ECT2L: variants seen among roughly 807,000 people sequenced by gnomAD.
The protein encoded by ECT2L is epithelial cell transforming 2 like.
ECT2L carries 126 observed loss-of-function variants against 122.8 expected under a neutral mutation model. That is an observed-to-expected ratio of 1.03 (90% CI 0.89 to 1.19). The LOEUF (loss-of-function observed/expected upper bound fraction) is 1.19. Among genes scored for constraint, ECT2L ranks in the 50% most tolerant of loss-of-function variants. ECT2L has a pLI of 0.00. For missense variants in ECT2L, 1,012 were observed against 1,064.1 expected (o/e 0.95, Z 0.68); for synonymous variants, 385 against 381.8 (o/e 1.01, Z -0.10).
At chr6:138,878,456 T>C (rs1778538451) in intron 14 of ECT2L, among the ~76,000 whole-genome samples, 1 of 152,164 alleles carries the variant, frequency 6.6e-6, no homozygotes, top group Non-Finnish European at 1.5e-5. Context: ...GTTTTTGTTT[T>C]TGTTTTTTGA....
chr6:138,841,291 C>T (rs1402896947), intron 5 of ECT2L, among the ~76,000 whole-genome samples: 2 of 152,168 alleles, frequency 1.3e-5, no homozygotes, highest in Admixed American at 6.6e-5. Context: ...AGTTAATTTT[C>T]ATTGAGTACC....
intron 4 of ECT2L, among the ~76,000 whole-genome samples, chr6:138,835,121 C>G (rs937223165): frequency 4.0e-5 from 6 of 149,592 alleles, no homozygotes; most frequent in African/African-American, 1.5e-4. Context: ...CTGAAGCAAA[C>G]TTAAAAAAAA....
At chr6:138,845,702 T>G (rs900110099) in intron 7 of ECT2L, among the ~76,000 whole-genome samples, 3 of 152,220 alleles carry the variant, frequency 2.0e-5, no homozygotes, top group African/African-American at 7.2e-5. Context: ...CACCCACTGA[T>G]GCTACATATG....
At chr6:138,807,162 C>T (rs1775740671) in intron 1 of ECT2L, among the ~76,000 whole-genome samples, 1 of 150,622 alleles carries the variant, frequency 6.6e-6, no homozygotes, top group African/African-American at 2.4e-5. Flanking sequence ...TTTGTGGAGA[C>T]AGGGTTTTGC....
Position 138,903,206 on chromosome 6 carries a change from A to G in ECT2L, c.*579A>G, listed in dbSNP as rs1779464140. The G allele has an allele frequency of 6.6e-6, 1 of 152,450 alleles. No individual in the cohort carries two copies. Among genetic ancestry groups the G allele is most frequent in the African/African-American group, 2.4e-5 (1 of 41,368 alleles). 9.4% of individuals were successfully genotyped at this position (152,450 alleles called of 1,614,324 possible). A position where few individuals can be genotyped will look rare whatever the true frequency, so the allele number is the denominator to read the frequency against. On this transcript the variant is annotated 3_prime_UTR_variant, in exon 22 of 22. Transcript: ENST00000541398. ...AACCCCGTCTCTACTAAAAATACAA[A>G]ATTAGCCAGGCATGGTGGCACACGC...
chr6:138,856,617 C>A (rs1039502612), intron 10 of ECT2L, among the ~76,000 whole-genome samples: 28 of 152,108 alleles, frequency 1.8e-4, no homozygotes, highest in African/African-American at 6.8e-4. Context: ...ATTTAATGGC[C>A]CAATTTTCTC....
chr6:138,857,711 TC>T (rs774946037), intron 10 of ECT2L, among the ~76,000 whole-genome samples: 29 of 152,314 alleles, frequency 1.9e-4, no homozygotes, highest in Non-Finnish European at 1.0e-4. Context: ...TGCAGGCTCT[TC>T]TTTCTCTGCA....
At chr6:138,874,904 A>T (rs914874562) in intron 13 of ECT2L, among the ~76,000 whole-genome samples, 1 of 152,084 alleles carries the variant, frequency 6.6e-6, no homozygotes, top group African/African-American at 2.4e-5. Flanking sequence ...TGGGCAACAT[A>T]GTGAGACCTT....
chr6:138,821,585 A>G (rs2128377935), intron 4 of ECT2L, among the ~76,000 whole-genome samples: 1 of 152,358 alleles, frequency 6.6e-6, no homozygotes, highest in South Asian at 2.1e-4. Flanking sequence ...CAGCTTTAGA[A>G]TTGTGTGCAC....
rs2128401398 is a variant in ECT2L at position 138,868,239 on chromosome 6, A to G, written c.1578+33A>G. On this transcript the variant is annotated intron_variant, in intron 13 of 21. Transcript: ENST00000541398. ...TTTCTTTGAAGAAAGTAAACTATGA[A>G]AACCAACATTTAAATAAATTCTGTT... 7 of 1,564,616 alleles carry G rather than the reference A, an allele frequency of 4.5e-6. No individual in the cohort carries two copies. In the East Asian group the frequency reaches 1.6e-4, roughly 35 times the overall value.
At chr6:138,849,556 T>G in intron 9 of ECT2L, 122 bp downstream of exon 9, 1 of 1,137,668 alleles carries the variant, frequency 8.8e-7, no homozygotes, top group Non-Finnish European at 1.2e-6. Context: ...TTTTTTGGCT[T>G]TATGAAAAAA....
intron 20 of ECT2L, among the ~76,000 whole-genome samples, chr6:138,889,587 T>A (rs779291739): frequency 1.4e-4 from 22 of 152,222 alleles, no homozygotes; most frequent in Admixed American, 6.5e-4. Context: ...CCCAAAGTGC[T>A]GGGATTACAG....
chr6:138,856,883 A>C (rs573627189), intron 10 of ECT2L, among the ~76,000 whole-genome samples: 13 of 152,258 alleles, frequency 8.5e-5, no homozygotes, highest in Non-Finnish European at 5.9e-5. Context: ...TGACAATTTT[A>C]TCTCTTCTCT....
At position 138,865,163 on chromosome 6, in the gene ECT2L, A is replaced by C. The variant is rs768701369; in HGVS notation, c.1459A>C (p.Ser487Arg). The change falls in exon 12 of 22, where the codon AGT becomes CGT. Residue 487 changes from serine (S) to arginine (R), a missense_variant. Coordinates refer to ENST00000541398, the MANE Select transcript of ECT2L (RefSeq NM_001077706.3). ...CTTCAAGGAACTGCAGAAGAGCATC[A>C]GTGGCAGGATGATAGGTAAGCAGTC... is the stretch of plus-strand genomic sequence containing the variant. ...PFFKELQKSI[S>R]GRMIGQFMFD... 2.5e-6 allele frequency: 4 copies of C among 1,611,334 alleles called. No homozygotes were observed. The highest frequency in any genetic ancestry group is 3.4e-6 in the Non-Finnish European group (4 of 1,178,044).
chr6:138,808,789 C>A (rs897585347), intron 1 of ECT2L, among the ~76,000 whole-genome samples: 16 of 149,230 alleles, frequency 1.1e-4, no homozygotes, highest in African/African-American at 4.0e-4. Context: ...TTCAGTGGCG[C>A]AATCTCGACT....
Position 138,902,590 on chromosome 6 carries a change from T to G in ECT2L, c.2678T>G (p.Val893Gly). 6.2e-7 allele frequency: 1 copy of G among 1,613,980 alleles called. No individual in the cohort carries two copies. Among genetic ancestry groups the G allele is most frequent in the Non-Finnish European group, 8.5e-7 (1 of 1,179,920 alleles). Residue 893 changes from valine to glycine, a missense_variant, in exon 22 of 22, where the codon GTA becomes GGA. By Grantham distance (109) the Val-to-Gly change is moderately radical (BLOSUM62 -3). Coordinates refer to ENST00000541398, the MANE Select transcript of ECT2L (RefSeq NM_001077706.3). ...IEDDKFLWLS[V>G]LRNAIKSSME... Reference sequence around the variant, plus strand: ...GATGATAAGTTCCTATGGCTGTCAGTACTTCGAAATGCAATCAAAAGCAGT... The same window carrying G: ...GATGATAAGTTCCTATGGCTGTCAGGACTTCGAAATGCAATCAAAAGCAGT...
chr6:138,871,472 G>A (rs1186709956), intron 13 of ECT2L, among the ~76,000 whole-genome samples: 5 of 152,196 alleles, frequency 3.3e-5, no homozygotes, highest in African/African-American at 1.2e-4. Flanking sequence ...TCTGCCTGCT[G>A]CCCCAAATGA....
intron 13 of ECT2L, among the ~76,000 whole-genome samples, chr6:138,874,128 T>C (rs952909860): frequency 6.6e-6 from 1 of 152,156 alleles, no homozygotes; most frequent in African/African-American, 2.4e-5. Context: ...AGCTGAGTGT[T>C]TGCTGGCAGA....
chr6:138,852,501 A>G (rs1251019719), intron 9 of ECT2L, among the ~76,000 whole-genome samples: 1 of 152,182 alleles, frequency 6.6e-6, no homozygotes, highest in South Asian at 2.1e-4. Flanking sequence ...GAGAGAAGGA[A>G]TAAGATGATC....
Sources: allele counts gnomAD v4.1 joint callset (sites outside exome capture counted in the v4.1 genomes callset), GRCh38; gene constraint gnomAD v4.1.1; transcripts MANE v1.5; gene names NCBI Gene and HGNC (gene_info 2026-07-23, HGNC 2026-07-21).